Variants in PVT1 observed in about 807,000 individuals in gnomAD.
PVT1 encodes the protein Pvt1 oncogene.
chr8:127,881,946 T>C (rs917692084), intron 2 of PVT1, among the ~76,000 whole-genome samples: 13 of 152,136 alleles, frequency 8.5e-5, no homozygotes, highest in African/African-American at 2.9e-4. Context: ...CACCATGTTG[T>C]CCAGGCTGGT....
At chr8:128,020,523 C>T (rs767506941) in intron 4 of PVT1, among the ~76,000 whole-genome samples, 72 of 152,180 alleles carry the variant, frequency 4.7e-4, no homozygotes, top group Non-Finnish European at 1.3e-4. Flanking sequence ...CCCTAGCTAA[C>T]AGCCAACAGA....
rs1815830876 is a variant in PVT1 at position 127,906,983 on chromosome 8, C to CT, written n.782+15985_782+15986insT. Reference sequence around the variant, plus strand: ...TTTTTTTTTTTTTTCTGTTTTGAGACAGAGTCTTGCTCTGTCAGCCAGGCT... The same window carrying CT: ...TTTTTTTTTTTTTTCTGTTTTGAGACTAGAGTCTTGCTCTGTCAGCCAGGCT... On this transcript the variant is annotated intron_variant and non_coding_transcript_variant, in intron 3 of 10. Transcript: ENST00000651587. Among the ~76,000 whole-genome samples the CT allele has an allele frequency of 2.8e-5, 4 of 143,514 alleles. No homozygotes were observed. The South Asian group carries it at 6.7e-4, about 24-fold the overall frequency. 94.2% of individuals were successfully genotyped at this position (143,514 alleles called of 152,430 possible). A position where few individuals can be genotyped will look rare whatever the true frequency, so the allele number is the denominator to read the frequency against.
intron 3 of PVT1, among the ~76,000 whole-genome samples, chr8:127,971,366 G>T (rs1048662969): frequency 6.6e-6 from 1 of 152,210 alleles, no homozygotes; most frequent in African/African-American, 2.4e-5. Context: ...TGCAGGAGAC[G>T]GTCCAGGCCC....
chr8:127,832,731 G>A (rs1263193526), intron 2 of PVT1, among the ~76,000 whole-genome samples: 2 of 152,138 alleles, frequency 1.3e-5, no homozygotes, highest in South Asian at 2.1e-4. Flanking sequence ...GGTGGCGGGT[G>A]CCTGTAGTCC....
At chr8:127,995,864 G>A (rs1293133559) in intron 4 of PVT1, among the ~76,000 whole-genome samples, 5 of 151,988 alleles carry the variant, frequency 3.3e-5, no homozygotes, top group African/African-American at 4.8e-5. Context: ...TATGTGAAGC[G>A]CATATTGGTG....
intron 2 of PVT1, among the ~76,000 whole-genome samples, chr8:127,883,563 T>A (rs1332710700): frequency 6.6e-6 from 1 of 151,758 alleles, no homozygotes; most frequent in African/African-American, 2.4e-5. Flanking sequence ...ATGGCACATG[T>A]ATACATATGT....
exon 5 of PVT1, chr8:128,070,292 G>C (rs1174367433): frequency 1.3e-5 from 2 of 152,330 alleles, no homozygotes; most frequent in African/African-American, 4.8e-5. Context: ...GCCTAGTTCT[G>C]TGATAAGCTC....
intron 3 of PVT1, among the ~76,000 whole-genome samples, chr8:127,929,917 G>A (rs1457081028): frequency 6.6e-6 from 1 of 152,228 alleles, no homozygotes; most frequent in African/African-American, 2.4e-5. Flanking sequence ...AGCGTTAGAT[G>A]TTAGTTACGT....
At chr8:127,832,160 G>T (rs1814857829) in intron 2 of PVT1, among the ~76,000 whole-genome samples, 1 of 152,012 alleles carries the variant, frequency 6.6e-6, no homozygotes, top group Admixed American at 6.5e-5. Flanking sequence ...CCCCATCTCG[G>T]CATACATCCC....
At chr8:127,952,966 A>T (rs6470594) in intron 3 of PVT1, among the ~76,000 whole-genome samples, 1 of 151,570 alleles carries the variant, frequency 6.6e-6, no homozygotes, top group East Asian at 2.0e-4. Flanking sequence ...GGGTTTCACC[A>T]TGTTGGCCAG....
intron 2 of PVT1, chr8:127,852,473 C>G (rs1221956192): frequency 6.6e-6 from 1 of 152,242 alleles, no homozygotes; most frequent in African/African-American, 2.4e-5. Context: ...CTCTAGCCTG[C>G]TGGGGTTTGA....
chr8:127,983,505 T>C (rs113062031), intron 3 of PVT1, among the ~76,000 whole-genome samples: 10 of 152,266 alleles, frequency 6.6e-5, no homozygotes, highest in African/African-American at 2.4e-4. Flanking sequence ...ATTTAAAACT[T>C]GCAGAAAAAA....
intron 5 of PVT1, among the ~76,000 whole-genome samples, chr8:128,082,364 G>A (rs531148773): frequency 1.3e-5 from 2 of 152,302 alleles, no homozygotes; most frequent in Admixed American, 6.5e-5. Context: ...TTAAAATAAT[G>A]AGATTTAGAG....
At chr8:128,058,377 CAT>C (rs1491212047) in intron 4 of PVT1, among the ~76,000 whole-genome samples, 13 of 109,958 alleles carry the variant, frequency 1.2e-4, no homozygotes, top group Non-Finnish European at 2.1e-4. Flanking sequence ...CAAACTGATG[CAT>C]GTGTGTGTGT....
At chr8:127,932,554 C>A in intron 3 of PVT1, 1 of 398,636 alleles carries the variant, frequency 2.5e-6, no homozygotes, top group East Asian at 3.6e-5. Context: ...GGCTGAGTCC[C>A]AGCCTGCTAT....
chr8:128,015,083 AT>A (rs759310203), intron 4 of PVT1, among the ~76,000 whole-genome samples: 5 of 148,002 alleles, frequency 3.4e-5, no homozygotes, highest in Non-Finnish European at 5.9e-5. Flanking sequence ...TTATTTATTT[AT>A]TTATTTATTA....
intron 5 of PVT1, among the ~76,000 whole-genome samples, chr8:128,085,877 T>C (rs914930709): frequency 2.6e-5 from 4 of 152,146 alleles, no homozygotes; most frequent in Non-Finnish European, 5.9e-5. Flanking sequence ...GTTTGTGAAG[T>C]GTAAGAGGAG....
chr8:127,890,618 A>G (rs752931222), exon 3 of PVT1: 1 of 152,256 alleles, frequency 6.6e-6, no homozygotes, highest in Non-Finnish European at 1.5e-5. Context: ...AGGAGATTAA[A>G]AAGATGCCCC....
At chr8:127,864,766 TC>T (rs1400738760) in intron 2 of PVT1, among the ~76,000 whole-genome samples, 1 of 152,122 alleles carries the variant, frequency 6.6e-6, no homozygotes, top group Non-Finnish European at 1.5e-5. Context: ...GCCAGGATGG[TC>T]TCGATCTCCT....
Sources: allele counts gnomAD v4.1 joint callset (sites outside exome capture counted in the v4.1 genomes callset), GRCh38; gene constraint gnomAD v4.1.1; transcripts MANE v1.5; gene names NCBI Gene and HGNC (gene_info 2026-07-23, HGNC 2026-07-21).